Variants in FHIT observed in about 807,000 individuals in gnomAD.
FHIT encodes the protein fragile histidine triad diadenosine triphosphatase.
FHIT carries 19 observed loss-of-function variants against 17.9 expected under a neutral mutation model. The ratio of observed to expected loss-of-function variants is 1.06; its 90% confidence interval spans 0.74 to 1.56. The LOEUF (loss-of-function observed/expected upper bound fraction) is 1.56, where lower values mean the gene tolerates loss of function less well. Among genes scored for constraint, FHIT ranks in the 40% most tolerant of loss-of-function variants. The pLI, the probability that FHIT is intolerant of heterozygous loss-of-function variation, is 0.00. For missense variants in FHIT, 248 were observed against 189.2 expected, an observed-to-expected ratio of 1.31 and a Z score of -1.82; for synonymous variants, 81 against 69.7, an observed-to-expected ratio of 1.16 and a Z score of -0.81.
intron 5 of FHIT, among the ~76,000 whole-genome samples, chr3:60,416,022 C>T (rs1702237263): frequency 6.6e-6 from 1 of 150,932 alleles, no homozygotes; most frequent in South Asian, 2.1e-4. Flanking sequence ...TTGTTCAATA[C>T]ATGTTATCTT....
intron 5 of FHIT, among the ~76,000 whole-genome samples, chr3:60,458,562 C>T (rs1213866844): frequency 6.7e-6 from 1 of 149,354 alleles, no homozygotes; most frequent in Non-Finnish European, 1.5e-5. Flanking sequence ...ATGTTGTGCA[C>T]ATGTACCCTA....
chr3:61,084,564 C>G (rs1435573901), intron 2 of FHIT, among the ~76,000 whole-genome samples: 1 of 152,134 alleles, frequency 6.6e-6, no homozygotes, highest in African/African-American at 2.4e-5. Context: ...CAGTAATATT[C>G]TGTACCTTTC....
At chr3:60,311,121 A>T (rs73101267) in intron 5 of FHIT, among the ~76,000 whole-genome samples, 3 of 152,258 alleles carry the variant, frequency 2.0e-5, no homozygotes, top group Non-Finnish European at 2.9e-5. Flanking sequence ...CCTCTTTAAT[A>T]TAAAATCCAG....
intron 5 of FHIT, among the ~76,000 whole-genome samples, chr3:60,130,218 T>A (rs1699478829): frequency 1.3e-5 from 2 of 152,218 alleles, no homozygotes; most frequent in Non-Finnish European, 2.9e-5. Flanking sequence ...ACGTGCCATG[T>A]AATATCTGGC....
intron 3 of FHIT, among the ~76,000 whole-genome samples, chr3:60,950,874 G>T (rs1708851919): frequency 6.6e-6 from 1 of 152,006 alleles, no homozygotes; most frequent in South Asian, 2.1e-4. Context: ...TTATCTAACA[G>T]GTCTCTTTTT....
rs562863874 is a variant in FHIT, at chr3:61,060,252, C to A, written c.-163-18153G>T. Among the ~76,000 whole-genome samples, 11 of 152,260 alleles carry A rather than the reference C, an allele frequency of 7.2e-5. No individual in the cohort carries two copies. In the South Asian group the frequency reaches 2.3e-3, roughly 32 times the overall value. On this transcript the variant is annotated intron_variant, in intron 2 of 9. Coordinates refer to ENST00000492590, the MANE Select transcript of FHIT (RefSeq NM_002012.4). ...TGGTATAGTTGTGACCAGAAATATG[C>A]CATAGGAACTTAACTCTTATTTATA...
intron 4 of FHIT, among the ~76,000 whole-genome samples, chr3:60,745,433 C>T (rs541164077): frequency 3.9e-5 from 6 of 152,224 alleles, no homozygotes; most frequent in South Asian, 2.1e-4. Context: ...TGGTAGGGAC[C>T]GTGCAAGGCC....
chr3:60,221,814 T>C (rs891002094), intron 5 of FHIT, among the ~76,000 whole-genome samples: 1 of 152,144 alleles, frequency 6.6e-6, no homozygotes, highest in African/African-American at 2.4e-5. Context: ...TCAGAGACTA[T>C]CCTATCTGTA....
At chr3:60,867,637 T>C (rs2594122) in intron 3 of FHIT, among the ~76,000 whole-genome samples, 26,223 of 152,174 alleles carry the variant, frequency 0.17, 2,789 homozygotes, top group Non-Finnish European at 0.23. Context: ...ATCATGTGAC[T>C]AGCTCTACTT....
intron 5 of FHIT, among the ~76,000 whole-genome samples, chr3:60,068,845 G>C (rs902072254): frequency 6.6e-6 from 1 of 152,036 alleles, no homozygotes; most frequent in African/African-American, 2.4e-5. Context: ...AAATTAGACG[G>C]TCCTAAGAAT....
chr3:60,335,140 C>A (rs1710172891), intron 5 of FHIT, among the ~76,000 whole-genome samples: 1 of 152,098 alleles, frequency 6.6e-6, no homozygotes, highest in Non-Finnish European at 1.5e-5. Flanking sequence ...AAGATAATCT[C>A]TGATTTGTAA....
intron 5 of FHIT, among the ~76,000 whole-genome samples, chr3:60,107,636 C>T (rs996174): frequency 0.6 from 91,660 of 152,044 alleles, 28,813 homozygotes; most frequent in South Asian, 0.72. Flanking sequence ...TTGTTGGCTA[C>T]TTCCAACTGG....
intron 3 of FHIT, among the ~76,000 whole-genome samples, chr3:60,843,887 G>A (rs968133780): frequency 6.6e-6 from 1 of 152,112 alleles, no homozygotes; most frequent in Non-Finnish European, 1.5e-5. Flanking sequence ...ATATTTCTAA[G>A]AAATAAAGTT....
In FHIT at chr3:60,611,521, C is replaced by T. The variant is rs140455928; in HGVS notation, c.-17-74542G>A. Among the ~76,000 whole-genome samples the T allele has an allele frequency of 5.3e-3, 802 of 152,268 alleles. 9 individuals carry two copies. Among genetic ancestry groups the T allele is most frequent in the Admixed American group, 7.9e-3 (121 of 15,292 alleles). On this transcript the variant is annotated intron_variant, in intron 4 of 9. Transcript: ENST00000492590. ...TAAACGGGTTAAGGAAGGGAAGGCC[C>T]CTTAGTCCAAGCCTTTCCTTATAAA...
chr3:59,848,406 A>G (rs184962225), intron 8 of FHIT, among the ~76,000 whole-genome samples: 95 of 152,264 alleles, frequency 6.2e-4, no homozygotes, highest in Admixed American at 1.6e-3. Flanking sequence ...ATTTTAATAT[A>G]CCTATGTTTA....
chr3:60,685,705 A>G (rs9810266), intron 4 of FHIT, among the ~76,000 whole-genome samples: 14,602 of 152,156 alleles, frequency 0.096, 1,382 homozygotes, highest in African/African-American at 0.25. Flanking sequence ...TAGAATTACT[A>G]TTATACTATT....
chr3:60,594,481 C>T (rs1400292132), intron 4 of FHIT, among the ~76,000 whole-genome samples: 1 of 152,096 alleles, frequency 6.6e-6, no homozygotes, highest in Admixed American at 6.6e-5. Context: ...GTGTTGCCCC[C>T]TGCATCCAAC....
intron 4 of FHIT, among the ~76,000 whole-genome samples, chr3:60,703,256 G>A (rs1298268981): frequency 1.8e-4 from 27 of 152,082 alleles, no homozygotes. Context: ...GGCAAGGGAG[G>A]GCCACCCCTT....
At chr3:60,052,624 A>C (rs1701927064) in intron 5 of FHIT, among the ~76,000 whole-genome samples, 1 of 151,998 alleles carries the variant, frequency 6.6e-6, no homozygotes, top group Non-Finnish European at 1.5e-5. Flanking sequence ...AGAAAGTAGC[A>C]GCCAGACAGG....
Sources: gnomAD v4.1 joint callset for allele counts (sites outside exome capture counted in the v4.1 genomes callset) on GRCh38, gnomAD v4.1.1 for gene constraint, MANE v1.5 for transcripts, NCBI Gene and HGNC (gene_info 2026-07-23, HGNC 2026-07-21) for gene names.